ROR2: variants seen among roughly 807,000 people sequenced by gnomAD.
ROR2 encodes tyrosine-protein kinase transmembrane receptor ROR2.
A neutral mutation model predicts 74.9 loss-of-function variants in ROR2; 33 were observed. The observed-to-expected ratio is 0.44, with a 90% CI of 0.33 to 0.59. The LOEUF is 0.59. ROR2 is among the 20% of genes least tolerant of loss of function. The probability of loss-of-function intolerance (pLI) is 0.02; values close to 1 mark genes in which losing one functional copy is unlikely to be tolerated. For missense variants in ROR2, 1,216 were observed against 1,313.8 expected, an observed-to-expected ratio of 0.93 and a Z score of 1.15; for synonymous variants, 586 against 558.7, an observed-to-expected ratio of 1.05 and a Z score of -0.69.
At chr9:91,848,050 G>A (rs182662997) in intron 1 of ROR2, among the ~76,000 whole-genome samples, 16 of 152,166 alleles carry the variant, frequency 1.1e-4, no homozygotes, top group African/African-American at 3.9e-4. Context: ...TATCACCTGG[G>A]GCACAAAACC....
intron 1 of ROR2, among the ~76,000 whole-genome samples, chr9:91,893,540 T>C (rs1267281667): frequency 1.3e-5 from 2 of 152,152 alleles, no homozygotes; most frequent in Non-Finnish European, 2.9e-5. Flanking sequence ...CTGGTGACTC[T>C]CCCAACAACC....
At chr9:91,927,255 G>A (rs192024744) in intron 1 of ROR2, among the ~76,000 whole-genome samples, 1 of 152,296 alleles carries the variant, frequency 6.6e-6, no homozygotes, top group East Asian at 1.9e-4. Context: ...CAAAAACCAG[G>A]ATCTTAAGGT....
chr9:91,787,343 T>A (rs1587718476), intron 1 of ROR2, among the ~76,000 whole-genome samples: 1 of 152,144 alleles, frequency 6.6e-6, no homozygotes, highest in East Asian at 1.9e-4. Context: ...AAACCCCATC[T>A]CTACCAAAAA....
At chr9:91,871,732 C>T (rs1486172829) in intron 1 of ROR2, among the ~76,000 whole-genome samples, 1 of 152,160 alleles carries the variant, frequency 6.6e-6, no homozygotes, top group African/African-American at 2.4e-5. Context: ...CCACTTTCTG[C>T]CCTTAACACA....
chr9:91,740,273 G>A (rs1053683631), intron 4 of ROR2, among the ~76,000 whole-genome samples: 4 of 152,158 alleles, frequency 2.6e-5, no homozygotes, highest in Non-Finnish European at 5.9e-5. Context: ...TCCAGGCTGG[G>A]CGCGGTGGCT....
At chr9:91,819,926 G>A (rs1235154863) in intron 1 of ROR2, among the ~76,000 whole-genome samples, 2 of 151,834 alleles carry the variant, frequency 1.3e-5, no homozygotes, top group African/African-American at 4.8e-5. Context: ...TGGAGTATGT[G>A]TCTGTGTGTG....
intron 1 of ROR2, among the ~76,000 whole-genome samples, chr9:91,784,791 C>G (rs78684094): frequency 0.021 from 3,141 of 152,324 alleles, 52 homozygotes; most frequent in Non-Finnish European, 0.027. Flanking sequence ...CATGTACACA[C>G]AAAGTCCTAA....
chr9:91,840,881 T>C (rs1476497802), intron 1 of ROR2, among the ~76,000 whole-genome samples: 1 of 152,268 alleles, frequency 6.6e-6, no homozygotes, highest in Non-Finnish European at 1.5e-5. Flanking sequence ...TCTAGCCATT[T>C]CATTGCATGC....
At chr9:91,844,785 CTG>C (rs1238803318) in intron 1 of ROR2, among the ~76,000 whole-genome samples, 4 of 152,088 alleles carry the variant, frequency 2.6e-5, no homozygotes, top group African/African-American at 9.7e-5. Context: ...GTCAAAAAGG[CTG>C]TGTTTAGTAA....
chr9:91,738,053 T>C (rs1244519654), intron 4 of ROR2, among the ~76,000 whole-genome samples: 1 of 152,160 alleles, frequency 6.6e-6, no homozygotes, highest in African/African-American at 2.4e-5. Flanking sequence ...CAGTGAAATA[T>C]TCTGTATGAT....
At chr9:91,806,496 A>G (rs748344021) in intron 1 of ROR2, among the ~76,000 whole-genome samples, 16 of 152,220 alleles carry the variant, frequency 1.1e-4, no homozygotes, top group Non-Finnish European at 1.8e-4. Flanking sequence ...CGGAGACACA[A>G]ACATTCAGAC....
intron 1 of ROR2, among the ~76,000 whole-genome samples, chr9:91,899,083 G>A (rs1830607901): frequency 6.6e-6 from 1 of 152,226 alleles, no homozygotes; most frequent in Non-Finnish European, 1.5e-5. Flanking sequence ...GCCAAGAGCT[G>A]CCTGAGCCCA....
At position 91,722,853 on chromosome 9, in the gene ROR2, C is replaced by T. The variant is rs1008098454; in HGVS notation, c.*809G>A. 9.9e-5 allele frequency: 53 copies of T among 535,272 alleles called. No homozygotes were observed. In the Admixed American group the frequency reaches 1.6e-3, roughly 16 times the overall value. 33.2% of individuals were successfully genotyped at this position (535,272 alleles called of 1,614,324 possible). On this transcript the variant is annotated 3_prime_UTR_variant, in exon 9 of 9. Transcript: ENST00000375708. ...TTCAATGAAAATGGCATATTAAAAA[C>T]ATATAAATTACATTTAAGCTCTGTA...
At chr9:91,911,887 T>C (rs1363009629) in intron 1 of ROR2, among the ~76,000 whole-genome samples, 9 of 148,280 alleles carry the variant, frequency 6.1e-5, no homozygotes, top group Non-Finnish European at 1.2e-4. Flanking sequence ...CAACACAACA[T>C]TGTATCTGCT....
intron 1 of ROR2, chr9:91,948,909 G>A (rs1832088224): frequency 1.0e-6 from 1 of 985,282 alleles, no homozygotes; most frequent in Non-Finnish European, 1.2e-6. Context: ...TGCTCCCGGA[G>A]TCTGCACCGC....
rs556541641 is a variant in ROR2, at chr9:91,824,542, A to T, written c.98-48724T>A. Reference sequence around the variant, plus strand: ...AGGAAGAAAAGCGAAAGGGAGAAAAATTTCAAAAGCACTCACCAAAAATGT... The same window carrying T: ...AGGAAGAAAAGCGAAAGGGAGAAAATTTTCAAAAGCACTCACCAAAAATGT... On this transcript the variant is annotated intron_variant, in intron 1 of 8. Coordinates refer to ENST00000375708, the MANE Select transcript of ROR2 (RefSeq NM_004560.4). Among the ~76,000 whole-genome samples the T allele has an allele frequency of 1.0e-3, 156 of 152,300 alleles. 1 individual carries two copies. In the Middle Eastern group the frequency reaches 0.02, roughly 20 times the overall value.
chr9:91,922,288 A>G (rs921822650), intron 1 of ROR2, among the ~76,000 whole-genome samples: 4 of 152,036 alleles, frequency 2.6e-5, no homozygotes, highest in African/African-American at 9.7e-5. Context: ...CCGAAATTCT[A>G]CTGCTAGGTA....
chr9:91,816,970 G>T (rs754281536), intron 1 of ROR2, among the ~76,000 whole-genome samples: 8 of 152,182 alleles, frequency 5.3e-5, no homozygotes, highest in Non-Finnish European at 1.0e-4. Flanking sequence ...CATTTGAAGA[G>T]GTGTCTTTAA....
Position 91,722,689 on chromosome 9 carries a change from G to C in ROR2, c.*973C>G. 1.3e-6 allele frequency: 1 copy of C among 766,704 alleles called. No individual in the cohort carries two copies. The highest frequency in any genetic ancestry group is 2.4e-6 in the Non-Finnish European group (1 of 411,752). The allele number at this position is 766,704 out of a possible 1,614,324, so 47.5% of individuals were successfully genotyped here. On this transcript the variant is annotated 3_prime_UTR_variant, in exon 9 of 9. Coordinates refer to ENST00000375708, the MANE Select transcript of ROR2 (RefSeq NM_004560.4). ...GCGGGGCACAGACGGCTGCCTGTGGGTCTGTGTGTAACAGGGGCTGTAAAA... is the reference window on the plus strand; with the variant it reads ...GCGGGGCACAGACGGCTGCCTGTGGCTCTGTGTGTAACAGGGGCTGTAAAA...
Sources: gnomAD v4.1 joint callset for allele counts (sites outside exome capture counted in the v4.1 genomes callset) on GRCh38, gnomAD v4.1.1 for gene constraint, MANE v1.5 for transcripts, NCBI Gene and HGNC (gene_info 2026-07-23, HGNC 2026-07-21) for gene names.